NTM: variants seen among roughly 807,000 people sequenced by gnomAD.
The protein encoded by NTM is neurotrimin.
A neutral mutation model predicts 42.1 loss-of-function variants in NTM; 13 were observed. That is an observed-to-expected ratio of 0.31 (90% CI 0.20 to 0.49). The LOEUF (loss-of-function observed/expected upper bound fraction) is 0.49, where lower values mean the gene tolerates loss of function less well. NTM is among the 20% of genes least tolerant of loss of function. NTM has a pLI of 0.99. For missense variants in NTM, 373 were observed against 452.8 expected, an observed-to-expected ratio of 0.82 and a Z score of 1.60; for synonymous variants, 187 against 179.2, an observed-to-expected ratio of 1.04 and a Z score of -0.35.
At chr11:131,951,758 G>T (rs2061006694) in intron 2 of NTM, among the ~76,000 whole-genome samples, 1 of 149,398 alleles carries the variant, frequency 6.7e-6, no homozygotes, top group South Asian at 2.1e-4. Context: ...GGAGGCACAG[G>T]TTGCAGTGAG....
intron 2 of NTM, among the ~76,000 whole-genome samples, chr11:132,039,705 CAG>C (rs1467043001): frequency 1.3e-5 from 2 of 152,090 alleles, no homozygotes; most frequent in Admixed American, 6.5e-5. Context: ...CTGGAGGAAA[CAG>C]AGGCAGGCAC....
At chr11:131,719,784 C>A (rs779376951) in intron 1 of NTM, among the ~76,000 whole-genome samples, 2 of 152,108 alleles carry the variant, frequency 1.3e-5, no homozygotes, top group African/African-American at 2.4e-5. Flanking sequence ...GCATTACCTC[C>A]GCTGGGAAAT....
intron 1 of NTM, among the ~76,000 whole-genome samples, chr11:131,740,575 T>C (rs997665671): frequency 1.3e-5 from 2 of 152,192 alleles, no homozygotes; most frequent in Non-Finnish European, 2.9e-5. Context: ...ATTTTTTTTC[T>C]TGACTCTGGG....
At chr11:131,789,910 CG>C (rs2090653374) in intron 1 of NTM, among the ~76,000 whole-genome samples, 1 of 138,126 alleles carries the variant, frequency 7.2e-6, no homozygotes, top group Admixed American at 7.5e-5. Context: ...GAGCCGAGAT[CG>C]CGCCACTGCA....
rs182261267 is a variant in NTM, at chr11:131,817,987, T to G, written c.83-93577T>G. On this transcript the variant is annotated intron_variant, in intron 1 of 8. Coordinates refer to ENST00000683400, the MANE Select transcript of NTM (RefSeq NM_001352005.2). Reference sequence around the variant, plus strand: ...ACTGTGCTTTATTCCAAACAGATTTTTCACCAGCAACAACACTGAAGATGA... The same window carrying G: ...ACTGTGCTTTATTCCAAACAGATTTGTCACCAGCAACAACACTGAAGATGA... Among the ~76,000 whole-genome samples the G allele has an allele frequency of 5.5e-4, 84 of 152,268 alleles. 1 individual carries two copies. Among genetic ancestry groups the G allele is most frequent in the African/African-American group, 1.9e-3 (80 of 41,512 alleles).
chr11:132,286,611 C>T (rs1363867286), intron 4 of NTM, among the ~76,000 whole-genome samples: 4 of 152,120 alleles, frequency 2.6e-5, no homozygotes, highest in African/African-American at 4.8e-5. Flanking sequence ...ATTTTTGATA[C>T]TTCTGATACT....
intron 2 of NTM, among the ~76,000 whole-genome samples, chr11:131,991,263 A>G (rs117914354): frequency 0.013 from 2,052 of 152,178 alleles, 24 homozygotes; most frequent in Non-Finnish European, 0.022. Flanking sequence ...TCCCTGCCAT[A>G]ACCATGCATC....
chr11:132,105,978 A>T (rs933721631), intron 2 of NTM, among the ~76,000 whole-genome samples: 2 of 152,232 alleles, frequency 1.3e-5, no homozygotes, highest in African/African-American at 4.8e-5. Flanking sequence ...GGCCCAGCTC[A>T]GCAAGGGAAG....
chr11:131,759,433 A>G (rs2083798472), intron 1 of NTM, among the ~76,000 whole-genome samples: 1 of 152,222 alleles, frequency 6.6e-6, no homozygotes, highest in Non-Finnish European at 1.5e-5. Context: ...AGCTTATTCA[A>G]ACATGCATTG....
chr11:131,675,739 G>C (rs964005087), intron 1 of NTM, among the ~76,000 whole-genome samples: 3 of 152,150 alleles, frequency 2.0e-5, no homozygotes, highest in African/African-American at 7.2e-5. Context: ...AGAGGGCCTT[G>C]ACTTAGAAGA....
At chr11:132,239,175 G>A (rs1003110703) in intron 4 of NTM, among the ~76,000 whole-genome samples, 2 of 152,176 alleles carry the variant, frequency 1.3e-5, no homozygotes, top group East Asian at 1.9e-4. Flanking sequence ...CTAAAATGTC[G>A]TAAGAAATTA....
chr11:132,203,718 T>C (rs1398484772), intron 3 of NTM, among the ~76,000 whole-genome samples: 1 of 152,088 alleles, frequency 6.6e-6, no homozygotes, highest in Non-Finnish European at 1.5e-5. Context: ...GGTGAAACCC[T>C]GTCTCTACTA....
intron 7 of NTM, among the ~76,000 whole-genome samples, chr11:132,318,110 T>A (rs2095477229): frequency 6.6e-6 from 1 of 152,110 alleles, no homozygotes; most frequent in African/African-American, 2.4e-5. Flanking sequence ...GTCAAACGCA[T>A]CAACTGGCTC....
intron 2 of NTM, among the ~76,000 whole-genome samples, chr11:131,935,832 C>G (rs1025486449): frequency 2.0e-5 from 3 of 152,156 alleles, no homozygotes; most frequent in Non-Finnish European, 2.9e-5. Flanking sequence ...GAACAAAGAA[C>G]AAGAACAGGC....
At chr11:131,709,608 G>C (rs1451340894) in intron 1 of NTM, among the ~76,000 whole-genome samples, 8 of 152,188 alleles carry the variant, frequency 5.3e-5, no homozygotes. Flanking sequence ...GGTTAGGGAA[G>C]ACCAGCAGTC....
At chr11:132,162,002 C>T (rs1328554538) in intron 3 of NTM, among the ~76,000 whole-genome samples, 1 of 152,190 alleles carries the variant, frequency 6.6e-6, no homozygotes, top group Non-Finnish European at 1.5e-5. Context: ...AAATTCTCTC[C>T]GTGCGCAGTG....
chr11:132,147,685 C>T (rs2070842879), intron 3 of NTM, among the ~76,000 whole-genome samples: 1 of 152,088 alleles, frequency 6.6e-6, no homozygotes, highest in Non-Finnish European at 1.5e-5. Flanking sequence ...AGTGCTGGAG[C>T]CCTTTCCCAG....
rs575783775 is a variant in NTM at position 132,003,666 on chromosome 11, T to C, written c.167+92018T>C. 3.9e-4 allele frequency among the ~76,000 whole-genome samples: 60 copies of C among 152,174 alleles called. No homozygotes were observed. Among genetic ancestry groups the C allele is most frequent in the Non-Finnish European group, 7.4e-4 (50 of 68,024 alleles). On this transcript the variant is annotated intron_variant, in intron 2 of 8. Coordinates refer to ENST00000683400, the MANE Select transcript of NTM (RefSeq NM_001352005.2). The surrounding 1 kb of genome is among the most constrained non-coding windows in gnomAD (Gnocchi z 6.0). ...TCACTCAAGAAGAAAAGGCTTTTCC[T>C]GGTAGGTCTGTCTGTAGCTCAATCA...
chr11:132,329,246 T>C (rs2095751195), intron 7 of NTM, among the ~76,000 whole-genome samples: 1 of 152,220 alleles, frequency 6.6e-6, no homozygotes, highest in South Asian at 2.1e-4. Context: ...AGTGCCATTT[T>C]CCGTCCTCTC....
Sources: gnomAD v4.1 joint callset for allele counts (sites outside exome capture counted in the v4.1 genomes callset) on GRCh38, gnomAD v4.1.1 for gene constraint, Gnocchi (gnomAD v3.1) non-coding constraint, MANE v1.5 for transcripts, NCBI Gene and HGNC (gene_info 2026-07-23, HGNC 2026-07-21) for gene names.